Variants in CADPS2 observed in about 807,000 individuals in gnomAD.
The protein encoded by CADPS2 is calcium dependent secretion activator 2.
In CADPS2, 93 loss-of-function variants were observed where a neutral mutation model predicts 172.5. The ratio of observed to expected loss-of-function variants is 0.54; its 90% CI spans 0.46 to 0.64. The LOEUF (loss-of-function observed/expected upper bound fraction) is 0.64, where lower values mean the gene tolerates loss of function less well. CADPS2 is among the 30% of genes least tolerant of loss of function. The pLI is 0.00. For synonymous variants in CADPS2, 546 were observed against 555.2 expected, an observed-to-expected ratio of 0.98 and a Z score of 0.23; for missense variants, 1,420 against 1,565.9, an observed-to-expected ratio of 0.91 and a Z score of 1.57.
intron 9 of CADPS2, among the ~76,000 whole-genome samples, chr7:122,510,683 C>T (rs1194557107): frequency 6.6e-6 from 1 of 152,154 alleles, no homozygotes; most frequent in Non-Finnish European, 1.5e-5. Context: ...ACTGTCCTCC[C>T]TGTGAAAACG....
intron 1 of CADPS2, among the ~76,000 whole-genome samples, chr7:122,795,983 CCTT>C (rs1563038119): frequency 2.0e-5 from 3 of 152,210 alleles, no homozygotes; most frequent in South Asian, 4.1e-4. Context: ...CCCATAAGCT[CCTT>C]AAGTTGATAA....
intron 15 of CADPS2, among the ~76,000 whole-genome samples, chr7:122,442,564 A>G (rs1167048490): frequency 6.6e-6 from 1 of 152,208 alleles, no homozygotes; most frequent in Non-Finnish European, 1.5e-5. Flanking sequence ...ATATAATAAA[A>G]TTATATTTCT....
At chr7:122,680,286 T>C (rs2082883575) in intron 2 of CADPS2, among the ~76,000 whole-genome samples, 1 of 152,266 alleles carries the variant, frequency 6.6e-6, no homozygotes, top group Non-Finnish European at 1.5e-5. Context: ...ATCTGTTTTA[T>C]CTAAAAAATA....
At chr7:122,797,044 CATAA>C (rs1367839194) in intron 1 of CADPS2, among the ~76,000 whole-genome samples, 11 of 151,562 alleles carry the variant, frequency 7.3e-5, no homozygotes, top group African/African-American at 1.2e-4. Flanking sequence ...AGGCAAACGA[CATAA>C]ATAGACACTT....
rs2036947174 is a variant in CADPS2 at position 122,342,557 on chromosome 7, G to A, written c.3612+3017C>T. On this transcript the variant is annotated intron_variant, in intron 28 of 29. Transcript: ENST00000449022. ...TTACATGCTTTCCAAAAATGTTGGG[G>A]GCAGGGTGAATATGTTTTGCAGACT... Among the ~76,000 whole-genome samples the A allele has an allele frequency of 2.6e-5, 4 of 152,116 alleles. No homozygotes were observed. The South Asian group carries it at 6.2e-4, about 24-fold the overall frequency.
intron 8 of CADPS2, among the ~76,000 whole-genome samples, chr7:122,532,415 T>TA (rs2061844236): frequency 6.6e-6 from 1 of 152,170 alleles, no homozygotes; most frequent in East Asian, 1.9e-4. Flanking sequence ...GAGTTGGAAA[T>TA]AAAGTATTTC....
At chr7:122,721,033 CATA>C (rs1462925628) in intron 2 of CADPS2, among the ~76,000 whole-genome samples, 1 of 151,938 alleles carries the variant, frequency 6.6e-6, no homozygotes, top group Non-Finnish European at 1.5e-5. Flanking sequence ...TTTCTGTGTG[CATA>C]ATATTTTCAT....
At chr7:122,753,603 A>G (rs2093036941) in intron 1 of CADPS2, among the ~76,000 whole-genome samples, 1 of 152,216 alleles carries the variant, frequency 6.6e-6, no homozygotes. Flanking sequence ...TGTAAGTTAA[A>G]TGGAGACATT....
At chr7:122,491,569 G>A in intron 9 of CADPS2, 149 bp from the exon 10 acceptor site, 1 of 544,666 alleles carries the variant, frequency 1.8e-6, no homozygotes, top group Non-Finnish European at 3.2e-6. Context: ...TCAAAACCTA[G>A]CTCAGAGATT....
intron 2 of CADPS2, among the ~76,000 whole-genome samples, chr7:122,706,616 TTG>T (rs1409070477): frequency 1.4e-5 from 2 of 144,468 alleles, no homozygotes; most frequent in East Asian, 2.0e-4. Context: ...AAGAGATAGG[TTG>T]TGTGTGTGTG....
Position 122,319,848 on chromosome 7 carries a change from G to C in CADPS2, c.*317C>G, listed in dbSNP as rs777370441. On this transcript the variant is annotated 3_prime_UTR_variant, in exon 30 of 30. Transcript: ENST00000449022. ...CATTTTGATGTGATTACAGAAAAATGCTCAAATCTTCTTTAAAAAAAAAAG... is the reference window on the plus strand; with the variant it reads ...CATTTTGATGTGATTACAGAAAAATCCTCAAATCTTCTTTAAAAAAAAAAG... 8.4e-6 allele frequency: 2 copies of C among 236,900 alleles called. No homozygotes were observed. The allele number at this position is 236,900 out of a possible 1,614,324, so 14.7% of individuals were successfully genotyped here.
At chr7:122,767,590 C>T (rs1292108613) in intron 1 of CADPS2, among the ~76,000 whole-genome samples, 1 of 152,082 alleles carries the variant, frequency 6.6e-6, no homozygotes, top group Non-Finnish European at 1.5e-5. Context: ...CCAACAAAGG[C>T]CCTAATTCTG....
intron 7 of CADPS2, among the ~76,000 whole-genome samples, chr7:122,563,483 A>C (rs2066009885): frequency 6.6e-6 from 1 of 152,194 alleles, no homozygotes; most frequent in African/African-American, 2.4e-5. Context: ...CACTGAAGTT[A>C]AATAAATATC....
intron 2 of CADPS2, among the ~76,000 whole-genome samples, chr7:122,724,035 G>A (rs2090805539): frequency 7.4e-6 from 1 of 135,748 alleles, no homozygotes; most frequent in Non-Finnish European, 1.6e-5. Flanking sequence ...TTGTGGGGTG[G>A]AGGGAGGGGG....
At chr7:122,818,583 C>T (rs988906735) in intron 1 of CADPS2, among the ~76,000 whole-genome samples, 4 of 152,064 alleles carry the variant, frequency 2.6e-5, no homozygotes, top group Admixed American at 1.3e-4. Context: ...TGACCTCTCC[C>T]TTCCTCCCCA....
intron 3 of CADPS2, among the ~76,000 whole-genome samples, chr7:122,634,704 G>T (rs1255791628): frequency 6.6e-6 from 1 of 151,974 alleles, no homozygotes; most frequent in African/African-American, 2.4e-5. Context: ...TGCTAGCTTT[G>T]GGGTTGGATG....
At chr7:122,399,619 ACAGC>A (rs2151565828) in intron 20 of CADPS2, among the ~76,000 whole-genome samples, 1 of 142,526 alleles carries the variant, frequency 7.0e-6, no homozygotes, top group East Asian at 2.2e-4. Context: ...ATGATTGAGT[ACAGC>A]TATATCATGA....
At chr7:122,646,123 T>G (rs2078525310) in intron 3 of CADPS2, among the ~76,000 whole-genome samples, 1 of 152,020 alleles carries the variant, frequency 6.6e-6, no homozygotes, top group African/African-American at 2.4e-5. Context: ...GAGTTCAATT[T>G]ATACAGCACT....
chr7:122,572,523 T>A (rs1410273587), intron 7 of CADPS2, among the ~76,000 whole-genome samples: 1 of 152,134 alleles, frequency 6.6e-6, no homozygotes, highest in Non-Finnish European at 1.5e-5. Context: ...GAAAGAAAAG[T>A]TATTTTGGCA....
Sources: gnomAD v4.1 joint callset for allele counts (sites outside exome capture counted in the v4.1 genomes callset) on GRCh38, gnomAD v4.1.1 for gene constraint, MANE v1.5 for transcripts, NCBI Gene and HGNC (gene_info 2026-07-23, HGNC 2026-07-21) for gene names.